The following ADGRB1 variants were observed in gnomAD, a reference collection of about 807,000 sequenced individuals.
ADGRB1 encodes adhesion G protein-coupled receptor B1, also known as brain-specific angiogenesis inhibitor 1.
Under a neutral mutation model 175.7 loss-of-function variants are expected in ADGRB1, and 36 were observed. The ratio of observed to expected loss-of-function variants is 0.20; its 90% CI spans 0.16 to 0.27. The LOEUF (loss-of-function observed/expected upper bound fraction) is 0.27, where lower values mean the gene tolerates loss of function less well. ADGRB1 is among the 10% of genes least tolerant of loss of function. The pLI is 1.00. For missense variants in ADGRB1, 1,731 were observed against 2,255.3 expected (o/e 0.77, Z 4.71); for synonymous variants, 1,054 against 979.4 (o/e 1.08, Z -1.42).
chr8:142,469,802 T>C (rs1554605342), intron 2 of ADGRB1, among the ~76,000 whole-genome samples: 1 of 151,382 alleles, frequency 6.6e-6, no homozygotes, highest in African/African-American at 2.5e-5. Flanking sequence ...TGCGTGTGCG[T>C]GGGGGGGATG....
At chr8:142,458,924 G>A (rs1402218013) in intron 1 of ADGRB1, among the ~76,000 whole-genome samples, 2 of 152,208 alleles carry the variant, frequency 1.3e-5, no homozygotes, top group East Asian at 1.9e-4. Flanking sequence ...CCTGTGGTTC[G>A]GGGACCAAGA....
intron 17 of ADGRB1, among the ~76,000 whole-genome samples, chr8:142,497,851 C>A (rs1308606707): frequency 6.6e-6 from 1 of 152,210 alleles, no homozygotes; most frequent in Non-Finnish European, 1.5e-5. Flanking sequence ...GGGCTCGTGG[C>A]AGCTTTCAGA....
intron 24 of ADGRB1, 119 bp downstream of exon 24, chr8:142,526,746 G>A (rs992381680): frequency 4.9e-6 from 5 of 1,018,576 alleles, no homozygotes; most frequent in Middle Eastern, 2.5e-4. Flanking sequence ...CAGGGACCCC[G>A]GAGCGGGTGG....
intron 1 of ADGRB1, among the ~76,000 whole-genome samples, chr8:142,451,609 T>C (rs903403544): frequency 2.6e-5 from 4 of 151,954 alleles, no homozygotes; most frequent in Non-Finnish European, 4.4e-5. Context: ...GCTCTCCCGC[T>C]CCATCCTGGG....
At position 142,464,702 on chromosome 8, in the gene ADGRB1, C is replaced by A; in HGVS notation, c.504C>A (p.Asp168Glu). Reference sequence around the variant, plus strand: ...CCGGGCCGCCGGGCCCCACCGACGACTTCTCCGTGGAGTACCTGGTGGTGG... The same window carrying A: ...CCGGGCCGCCGGGCCCCACCGACGAATTCTCCGTGGAGTACCTGGTGGTGG... ...PRAGPPGPTD[D>E]FSVEYLVVGN... is the part of the protein sequence containing the mutation. Residue 168 changes from aspartate (D) to glutamate (E), a missense_variant, in exon 2 of 31, where the codon GAC becomes GAA. Transcript: ENST00000517894. The A allele has an allele frequency of 6.5e-7, 1 of 1,530,572 alleles. No individual in the cohort carries two copies. The highest frequency in any genetic ancestry group is 8.7e-7 in the Non-Finnish European group (1 of 1,144,016). The allele number at this position is 1,530,572 out of a possible 1,614,324, so 94.8% of individuals were successfully genotyped here.
intron 2 of ADGRB1, among the ~76,000 whole-genome samples, chr8:142,473,291 T>C (rs1344332665): frequency 6.6e-6 from 1 of 151,998 alleles, no homozygotes. Flanking sequence ...CCCTGACCCA[T>C]TGTCAGGCCC....
chr8:142,518,056 G>C (rs1246549292), intron 18 of ADGRB1, 82 bp from the exon 19 acceptor site: 15 of 1,350,666 alleles, frequency 1.1e-5, no homozygotes, highest in Non-Finnish European at 1.6e-5. Flanking sequence ...GGGGCTGCGG[G>C]CTCTCGGGTC....
intron 9 of ADGRB1, 99 bp downstream of exon 9, chr8:142,479,893 A>G: frequency 7.5e-7 from 1 of 1,326,314 alleles, no homozygotes; most frequent in Non-Finnish European, 1.0e-6. Flanking sequence ...CGGCCCAGAC[A>G]CGGAGCCCAG....
At chr8:142,526,427 C>A in intron 23 of ADGRB1, 115 bp from the exon 24 acceptor site, 1 of 940,450 alleles carries the variant, frequency 1.1e-6, no homozygotes, top group Non-Finnish European at 1.7e-6. Flanking sequence ...CGGGAGGTGA[C>A]CCTGGGTGGG....
intron 17 of ADGRB1, among the ~76,000 whole-genome samples, chr8:142,502,499 A>G (rs1036095258): frequency 7.3e-3 from 18 of 2,456 alleles, no homozygotes; most frequent in East Asian, 0.017. Context: ...AGTGGTGATG[A>G]TGGGGTGGCG....
chr8:142,489,479 C>G (rs367983269), intron 16 of ADGRB1, 41 bp downstream of exon 16: 2 of 1,584,776 alleles, frequency 1.3e-6, no homozygotes, highest in South Asian at 2.2e-5. Flanking sequence ...CCAGCAGAAA[C>G]GCGTGTGCGC....
At position 142,464,425 on chromosome 8, in the gene ADGRB1, A is replaced by G; in HGVS notation, c.227A>G (p.Asp76Gly). 2 of 1,556,518 alleles carry G rather than the reference A, an allele frequency of 1.3e-6. No individual in the cohort carries two copies. Among genetic ancestry groups the G allele is most frequent in the Non-Finnish European group, 1.7e-6 (2 of 1,155,536 alleles). ...SRCSWTLRNPDPRRYTLYMKV... is the reference protein window; with the variant it reads ...SRCSWTLRNPGPRRYTLYMKV... ...TGCTCCTGGACGCTACGCAACCCGG[A>G]CCCGCGGCGCTACACTCTCTACATG... Residue 76 changes from aspartate (D) to glycine (G), a missense_variant, in exon 2 of 31, where the codon GAC (aspartate) becomes GGC (glycine). Around this residue, in one of 8 missense-constraint regions of ADGRB1, gnomAD observed 383 missense variants for 383.1 expected, o/e 1.00. Transcript: ENST00000517894.
intron 26 of ADGRB1, among the ~76,000 whole-genome samples, chr8:142,538,413 G>C (rs1400390566): frequency 6.6e-6 from 1 of 152,184 alleles, no homozygotes; most frequent in East Asian, 1.9e-4. Context: ...CCATGCCTCA[G>C]TGTCTCCATC....
intron 1 of ADGRB1, among the ~76,000 whole-genome samples, chr8:142,453,910 G>A (rs1839506705): frequency 6.6e-6 from 1 of 152,206 alleles, no homozygotes; most frequent in African/African-American, 2.4e-5. Flanking sequence ...AGCCGGCAGT[G>A]CAAAGGCCCT....
intron 23 of ADGRB1, among the ~76,000 whole-genome samples, chr8:142,525,295 G>A (rs1844107958): frequency 6.6e-6 from 1 of 151,914 alleles, no homozygotes; most frequent in Admixed American, 6.5e-5. Context: ...GAGGCGTGGG[G>A]TACCTGGCGG....
chr8:142,539,768 C>T, intron 27 of ADGRB1: 1 of 405,274 alleles, frequency 2.5e-6, no homozygotes, highest in Non-Finnish European at 4.5e-6. Context: ...AGCACAGCCT[C>T]ACCCTAGTGC....
chr8:142,483,424 C>T (rs1170054907), intron 11 of ADGRB1, among the ~76,000 whole-genome samples: 1 of 149,112 alleles, frequency 6.7e-6, no homozygotes, highest in African/African-American at 2.5e-5. Context: ...ATGCTGAGTC[C>T]TGACCCTGGT....
intron 17 of ADGRB1, among the ~76,000 whole-genome samples, chr8:142,500,054 T>C (rs1458571997): frequency 6.6e-6 from 1 of 152,044 alleles, no homozygotes; most frequent in Admixed American, 6.5e-5. Context: ...TGTCTGAGCC[T>C]CCCTCAGCAC....
chr8:142,543,034 G>C lies in ADGRB1; in HGVS notation c.4414-369G>C, dbSNP rs868840052. 6.6e-6 allele frequency among the ~76,000 whole-genome samples: 1 copy of C among 152,180 alleles called. No individual in the cohort carries two copies. Among genetic ancestry groups the C allele is most frequent in the African/African-American group, 2.4e-5 (1 of 41,442 alleles). Reference sequence around the variant, plus strand: ...TAGGATGTTGTTTTTGGGGGAGCCCGTCCCCACAGGATATGCTCCCACCAT... The same window carrying C: ...TAGGATGTTGTTTTTGGGGGAGCCCCTCCCCACAGGATATGCTCCCACCAT... On this transcript the variant is annotated intron_variant, in intron 28 of 30. Coordinates refer to ENST00000517894, the MANE Select transcript of ADGRB1 (RefSeq NM_001702.3). The surrounding 1 kb of genome is among the most constrained non-coding windows in gnomAD (Gnocchi z 4.4).
Sources: allele counts gnomAD v4.1 joint callset (sites outside exome capture counted in the v4.1 genomes callset), GRCh38; gene constraint gnomAD v4.1.1; regional missense constraint gnomAD v4.1.1; non-coding constraint Gnocchi (gnomAD v3.1); transcripts MANE v1.5; gene names NCBI Gene and HGNC (gene_info 2026-07-23, HGNC 2026-07-21).